MTHFD2L: variants seen among roughly 807,000 people sequenced by gnomAD.
MTHFD2L encodes methylenetetrahydrofolate dehydrogenase (NADP+ dependent) 2 like, also known as bifunctional methylenetetrahydrofolate dehydrogenase/cyclohydrolase 2, mitochondrial.
MTHFD2L carries 29 observed loss-of-function variants against 34.9 expected under a neutral mutation model. That is an observed-to-expected ratio of 0.83 (90% CI 0.62 to 1.13). MTHFD2L has a LOEUF of 1.13. Among genes scored for constraint, MTHFD2L ranks in the 50% most tolerant of loss-of-function variants. The pLI, the probability that MTHFD2L is intolerant of heterozygous loss-of-function variation, is 0.00. For missense variants in MTHFD2L, 481 were observed against 446.5 expected, an observed-to-expected ratio of 1.08 and a Z score of -0.70; for synonymous variants, 167 against 155.7, an observed-to-expected ratio of 1.07 and a Z score of -0.54.
chr4:74,300,307 T>G (rs542315849), intron 7 of MTHFD2L, among the ~76,000 whole-genome samples: 5 of 152,132 alleles, frequency 3.3e-5, no homozygotes, highest in Admixed American at 2.6e-4. Context: ...TAAAACAATG[T>G]TATTCCTTTG....
At chr4:74,153,508 T>C (rs564397268), upstream of MTHFD2L, among the ~76,000 whole-genome samples, 2 of 152,232 alleles carry the variant, frequency 1.3e-5, no homozygotes, top group Non-Finnish European at 2.9e-5. Flanking sequence ...TCTCTGTAAT[T>C]TTTAATCATC....
In MTHFD2L at chr4:74,133,118, C is replaced by G. The variant is rs75322785; in HGVS notation, c.-297+7601C>G. ...TCTCTTAGCTTTTGTCTGTGAAAGA[C>G]AATTTCTCTTTGTTAATGCTGCCCT... On this transcript the variant is annotated intron_variant, in intron 1 of 7. Coordinates refer to the MTHFD2L transcript ENST00000433372. Among the ~76,000 whole-genome samples the G allele has an allele frequency of 3.8e-3, 578 of 152,284 alleles. 8 individuals are homozygous for G. The highest frequency in any genetic ancestry group is 0.014 in the African/African-American group (565 of 41,566).
intron 1 of MTHFD2L, among the ~76,000 whole-genome samples, chr4:74,137,833 G>A (rs1356512086): frequency 2.0e-5 from 3 of 152,080 alleles, no homozygotes; most frequent in Non-Finnish European, 2.9e-5. Context: ...AGATCACTAT[G>A]TTAAGAGAAA....
At chr4:74,222,310 C>A (rs1196006887) in intron 5 of MTHFD2L, among the ~76,000 whole-genome samples, 1 of 150,560 alleles carries the variant, frequency 6.6e-6, no homozygotes, top group Non-Finnish European at 1.5e-5. Flanking sequence ...TGAACAGTTA[C>A]AGAGGTTGAA....
chr4:74,293,596 ACT>A, intron 7 of MTHFD2L: 3 of 875,824 alleles, frequency 3.4e-6, no homozygotes, highest in Non-Finnish European at 4.1e-6. Context: ...CCTCCGGAGC[ACT>A]TGATTCCTGG....
upstream of MTHFD2L, among the ~76,000 whole-genome samples, chr4:74,120,595 C>T (rs188319197): frequency 6.6e-4 from 100 of 152,278 alleles, no homozygotes; most frequent in Middle Eastern, 3.4e-3. Context: ...CTGTGTCATC[C>T]GTAGAGAAAT....
chr4:74,284,677 C>G (rs1276839710), intron 7 of MTHFD2L, among the ~76,000 whole-genome samples: 1 of 151,810 alleles, frequency 6.6e-6, no homozygotes, highest in Non-Finnish European at 1.5e-5. Context: ...TGCAGAAGCT[C>G]TAAAAATCAG....
At chr4:74,161,012 A>T (rs1036509891) in intron 1 of MTHFD2L, 1 of 152,172 alleles carries the variant, frequency 6.6e-6, no homozygotes, top group East Asian at 1.9e-4. Flanking sequence ...TGAATCCTCA[A>T]ATCGTTAATT....
intron 1 of MTHFD2L, among the ~76,000 whole-genome samples, chr4:74,172,746 T>C (rs16850510): frequency 0.024 from 3,685 of 152,294 alleles, 67 homozygotes; most frequent in Non-Finnish European, 0.034. Flanking sequence ...TGTGTATCCA[T>C]AGACCACGCT....
chr4:74,151,780 TGG>T (rs1284804491), intron 1 of MTHFD2L, among the ~76,000 whole-genome samples: 2 of 152,220 alleles, frequency 1.3e-5, no homozygotes, highest in African/African-American at 4.8e-5. Context: ...TTAAGCATCT[TGG>T]TCTTTCTATT....
intron 6 of MTHFD2L, among the ~76,000 whole-genome samples, chr4:74,263,343 A>G (rs1018040386): frequency 2.6e-5 from 4 of 151,850 alleles, no homozygotes; most frequent in South Asian, 2.1e-4. Context: ...GAATTTTACA[A>G]TTGTTCTCTC....
At chr4:74,156,291 A>C (rs1392687397), upstream of MTHFD2L, among the ~76,000 whole-genome samples, 1 of 152,092 alleles carries the variant, frequency 6.6e-6, no homozygotes, top group Non-Finnish European at 1.5e-5. Flanking sequence ...CTGACTCTAT[A>C]ATTTTGCCTT....
intron 6 of MTHFD2L, among the ~76,000 whole-genome samples, chr4:74,260,682 CATT>C (rs1402495809): frequency 2.6e-5 from 4 of 151,844 alleles, no homozygotes; most frequent in Admixed American, 2.6e-4. Flanking sequence ...GGAACAGAAA[CATT>C]ATTTCATTCA....
At chr4:74,198,984 T>C (rs1216221558) in intron 3 of MTHFD2L, among the ~76,000 whole-genome samples, 1 of 152,172 alleles carries the variant, frequency 6.6e-6, no homozygotes, top group Non-Finnish European at 1.5e-5. Flanking sequence ...TAAAGAATTA[T>C]GTCTAAATCG....
intron 6 of MTHFD2L, among the ~76,000 whole-genome samples, chr4:74,238,923 A>G (rs555473533): frequency 1.9e-4 from 29 of 152,344 alleles, no homozygotes; most frequent in African/African-American, 7.0e-4. Flanking sequence ...GGAAGACAGT[A>G]TGGTGGTTCC....
upstream of MTHFD2L, chr4:74,158,065 A>T (rs1357734427): frequency 3.3e-6 from 5 of 1,530,138 alleles, no homozygotes; most frequent in Non-Finnish European, 4.4e-6. Context: ...GTGAGGGCGG[A>T]GCCAGGCCTC....
intron 1 of MTHFD2L, among the ~76,000 whole-genome samples, chr4:74,145,815 A>G (rs919369704): frequency 6.6e-6 from 1 of 152,082 alleles, no homozygotes; most frequent in African/African-American, 2.4e-5. Context: ...TGGTTGTTTG[A>G]AAGTTTGCAG....
chr4:74,258,400 A>T (rs2110215704), intron 6 of MTHFD2L, among the ~76,000 whole-genome samples: 1 of 152,232 alleles, frequency 6.6e-6, no homozygotes, highest in South Asian at 2.1e-4. Flanking sequence ...ACACACACAC[A>T]CACACACACA....
chr4:74,219,820 A>T (rs78691798), intron 5 of MTHFD2L, among the ~76,000 whole-genome samples: 1,768 of 152,258 alleles, frequency 0.012, 40 homozygotes, highest in African/African-American at 0.04. Context: ...TCAAGTTCAA[A>T]TATGACTTGG....
Sources: gnomAD v4.1 joint callset for allele counts (sites outside exome capture counted in the v4.1 genomes callset) on GRCh38, gnomAD v4.1.1 for gene constraint, MANE v1.5 for transcripts, NCBI Gene and HGNC (gene_info 2026-07-23, HGNC 2026-07-21) for gene names.